The following TRIP12 variants were observed in gnomAD, a reference collection of about 807,000 sequenced individuals.
TRIP12 encodes thyroid hormone receptor interactor 12.
Under a neutral mutation model 244.2 loss-of-function variants are expected in TRIP12, and 25 were observed. That is an observed-to-expected ratio of 0.10 (90% CI 0.07 to 0.14). The LOEUF (loss-of-function observed/expected upper bound fraction) is 0.14. TRIP12 is among the 10% of genes least tolerant of loss of function. The probability of loss-of-function intolerance (pLI) is 1.00; values close to 1 mark genes in which losing one functional copy is unlikely to be tolerated. For synonymous variants in TRIP12, 905 were observed against 873.1 expected (o/e 1.04, Z -0.64); for missense variants, 1,677 against 2,486.4 (o/e 0.67, Z 6.92).
At chr2:229,857,887 T>C (rs905855071) in intron 4 of TRIP12, among the ~76,000 whole-genome samples, 1 of 152,224 alleles carries the variant, frequency 6.6e-6, no homozygotes, top group African/African-American at 2.4e-5. Context: ...GCAATATTCT[T>C]ACTCACTTAG....
chr2:229,832,569 C>T (rs920191855), intron 6 of TRIP12, among the ~76,000 whole-genome samples: 3 of 152,180 alleles, frequency 2.0e-5, no homozygotes, highest in African/African-American at 4.8e-5. Flanking sequence ...TTTATGAAAA[C>T]GCTTACCATA....
intron 34 of TRIP12, among the ~76,000 whole-genome samples, chr2:229,779,580 A>G (rs2037424571): frequency 6.6e-6 from 1 of 152,220 alleles, no homozygotes. Flanking sequence ...TATGTCGAAT[A>G]AAATACAAAT....
chr2:229,804,687 T>C (rs1044817414), intron 18 of TRIP12, among the ~76,000 whole-genome samples: 8 of 152,180 alleles, frequency 5.3e-5, no homozygotes, highest in African/African-American at 1.9e-4. Flanking sequence ...TGATAAGCAG[T>C]AAGTTATATA....
intron 7 of TRIP12, among the ~76,000 whole-genome samples, chr2:229,829,628 AT>A (rs552771545): frequency 1.2e-4 from 18 of 152,308 alleles, no homozygotes; most frequent in African/African-American, 4.1e-4. Flanking sequence ...AAACAGTATG[AT>A]TTTTATTAGT....
At chr2:229,902,534 T>C (rs1480059533) in intron 1 of TRIP12, among the ~76,000 whole-genome samples, 1 of 152,236 alleles carries the variant, frequency 6.6e-6, no homozygotes, top group African/African-American at 2.4e-5. Context: ...AACTATCCTT[T>C]ACACTCAACT....
chr2:229,880,208 A>C, intron 1 of TRIP12, 80 bp from the exon 2 acceptor site: 1 of 867,362 alleles, frequency 1.2e-6, no homozygotes, highest in Non-Finnish European at 1.8e-6. Flanking sequence ...ACTTACGGTG[A>C]CATGGAAATT....
chr2:229,779,286 A>T (rs2037302074), intron 34 of TRIP12, among the ~76,000 whole-genome samples: 1 of 152,174 alleles, frequency 6.6e-6, no homozygotes, highest in Admixed American at 6.5e-5. Context: ...ACAATATGGC[A>T]TTGTCTGCAT....
intron 1 of TRIP12, among the ~76,000 whole-genome samples, chr2:229,882,290 T>C (rs1478750096): frequency 6.6e-6 from 1 of 152,212 alleles, no homozygotes; most frequent in African/African-American, 2.4e-5. Context: ...AAATCTAATA[T>C]ATTGGGAAAG....
At chr2:229,848,542 G>A (rs2058047114) in intron 4 of TRIP12, among the ~76,000 whole-genome samples, 2 of 152,084 alleles carry the variant, frequency 1.3e-5, no homozygotes, top group Middle Eastern at 3.2e-3. Context: ...ACCAGAAACA[G>A]AACGAAAAAG....
Position 229,829,103 on chromosome 2 carries a change from ACTT to A in TRIP12, c.1450+87_1450+89del. On this transcript the variant is annotated intron_variant, in intron 8 of 41. Coordinates refer to ENST00000675903, the MANE Select transcript of TRIP12 (RefSeq NM_001348323.3). ...AAAAATGGGTTAAAGTTGATGAAAA[ACTT>A]CTTAATACTTACATCAATAGGTTAC... The A allele has an allele frequency of 3.4e-6, 4 of 1,193,304 alleles. No homozygotes were observed. In the South Asian group the frequency reaches 5.8e-5, roughly 17 times the overall value. The allele number at this position is 1,193,304 out of a possible 1,614,324, so 73.9% of individuals were successfully genotyped here. A position where few individuals can be genotyped will look rare whatever the true frequency, so the allele number is the denominator to read the frequency against.
In TRIP12 at chr2:229,813,925, T is replaced by C; in HGVS notation, c.1931A>G (p.Glu644Gly). The change falls in exon 13 of 42, where the codon GAA becomes GGA. Residue 644 changes from glutamate to glycine, a missense_variant. By Grantham distance (98) the Glu-to-Gly change is moderately conservative. Around this residue, in one of 11 missense-constraint regions of TRIP12, gnomAD observed 572 missense variants for 867.8 expected, o/e 0.66. Coordinates refer to ENST00000675903, the MANE Select transcript of TRIP12 (RefSeq NM_001348323.3). ...GAGTGAATCTGCCACAAAATGAAAT[T>C]CATCTGGCGTGATACTCTGGCAGCA... The part of the protein sequence containing the change: ...ANCCQSITPD[E>G]FHFVADSLPL... 2 of 1,589,106 alleles carry C rather than the reference T, an allele frequency of 1.3e-6. No individual in the cohort carries two copies. Among genetic ancestry groups the C allele is most frequent in the Non-Finnish European group, 1.7e-6 (2 of 1,161,890 alleles).
intron 8 of TRIP12, among the ~76,000 whole-genome samples, chr2:229,818,717 A>G (rs575988755): frequency 1.5e-4 from 23 of 152,314 alleles, no homozygotes; most frequent in African/African-American, 5.5e-4. Context: ...ATGCTTTCAC[A>G]GTTATATACT....
intron 11 of TRIP12, 111 bp from the exon 12 acceptor site, chr2:229,814,436 T>C: frequency 2.1e-6 from 2 of 972,674 alleles, no homozygotes; most frequent in African/African-American, 1.6e-5. Context: ...CTCTAACATG[T>C]AACCCACCAT....
chr2:229,797,602 G>C lies in TRIP12; in HGVS notation c.3624+88C>G. ...TCGATGTAGGATAGCTAAATCCATA[G>C]GAAGCTAGAGAGTCATGAAGGAAAA... On this transcript the variant is annotated intron_variant, in intron 24 of 41. Coordinates refer to ENST00000675903, the MANE Select transcript of TRIP12 (RefSeq NM_001348323.3). The C allele has an allele frequency of 2.0e-6, 3 of 1,510,814 alleles. No individual in the cohort carries two copies. The Admixed American group carries it at 6.2e-5, about 31-fold the overall frequency. 93.6% of individuals were successfully genotyped at this position (1,510,814 alleles called of 1,614,324 possible). A position where few individuals can be genotyped will look rare whatever the true frequency, so the allele number is the denominator to read the frequency against.
At chr2:229,818,536 A>G (rs777955925) in intron 8 of TRIP12, 24 bp from the exon 9 acceptor site, 1 of 1,597,744 alleles carries the variant, frequency 6.3e-7, no homozygotes, top group Non-Finnish European at 8.5e-7. Context: ...AATAATTATT[A>G]TCTTTAAACA....
chr2:229,817,769 A>G (rs1415708975), intron 9 of TRIP12, among the ~76,000 whole-genome samples: 5 of 151,972 alleles, frequency 3.3e-5, no homozygotes, highest in Admixed American at 1.3e-4. Context: ...TAATTTTTGT[A>G]TTTTTAGTAG....
At position 229,860,305 on chromosome 2, in the gene TRIP12, G is replaced by A. The variant is rs370701523; in HGVS notation, c.224+101C>T. On this transcript the variant is annotated intron_variant, in intron 3 of 41. Transcript: ENST00000675903. ...GTTACTTAGAGAATAATGAAAATAT[G>A]TATCAAAACGTTTTGGAATAACCTC... 30 of 1,391,362 alleles carry A rather than the reference G, an allele frequency of 2.2e-5. No homozygotes were observed. In the East Asian group the frequency reaches 5.0e-4, roughly 23 times the overall value. The allele number at this position is 1,391,362 out of a possible 1,614,324, so 86.2% of individuals were successfully genotyped here.
At chr2:229,916,119 G>A (rs750055703) in intron 1 of TRIP12, among the ~76,000 whole-genome samples, 1 of 152,198 alleles carries the variant, frequency 6.6e-6, no homozygotes, top group Non-Finnish European at 1.5e-5. Flanking sequence ...CAATTCATCT[G>A]TGGAGCCTAA....
chr2:229,914,876 T>C (rs754380836), intron 1 of TRIP12, among the ~76,000 whole-genome samples: 28 of 152,196 alleles, frequency 1.8e-4, no homozygotes, highest in Non-Finnish European at 3.8e-4. Flanking sequence ...AATATGTACA[T>C]GCTCTCTAAA....
Sources: gnomAD v4.1 joint callset for allele counts (sites outside exome capture counted in the v4.1 genomes callset) on GRCh38, gnomAD v4.1.1 for gene constraint, gnomAD v4.1.1 regional missense constraint, MANE v1.5 for transcripts, NCBI Gene and HGNC (gene_info 2026-07-23, HGNC 2026-07-21) for gene names.